Variants in HSD3B7 observed in about 807,000 individuals in gnomAD.
HSD3B7 encodes the protein hydroxy-delta-5-steroid dehydrogenase, 3 beta- and steroid delta-isomerase 7, also known as 3 beta-hydroxysteroid dehydrogenase type 7.
Under a neutral mutation model 34.3 loss-of-function variants are expected in HSD3B7, and 35 were observed. The ratio of observed to expected loss-of-function variants is 1.02; its 90% CI spans 0.78 to 1.35. The LOEUF (loss-of-function observed/expected upper bound fraction) is 1.35, where lower values mean the gene tolerates loss of function less well. Ranked by LOEUF, HSD3B7 falls within the 40% of genes most tolerant of loss-of-function variation. The pLI is 0.00. For synonymous variants in HSD3B7, 217 were observed against 220.1 expected (o/e 0.99, Z 0.13); for missense variants, 426 against 504.7 (o/e 0.84, Z 1.49).
rs1323129907 is a variant in HSD3B7, at chr16:30,986,159, T to A, written c.277T>A (p.Phe93Ile). Reference protein sequence around the residue: ...VIHTAGLVDVFGRASPKTIHE... With the variant: ...VIHTAGLVDVIGRASPKTIHE... ...CCACACGGCTGGGCTGGTAGACGTGTTTGGCAGGGCCAGTCCCAAGACCAT... is the reference window on the plus strand; with the variant it reads ...CCACACGGCTGGGCTGGTAGACGTGATTGGCAGGGCCAGTCCCAAGACCAT... Residue 93 changes from phenylalanine to isoleucine, a missense_variant, in exon 3 of 7, where the codon TTT (phenylalanine) becomes ATT (isoleucine). Coordinates refer to ENST00000297679, the MANE Select transcript of HSD3B7 (RefSeq NM_025193.4). 1.9e-6 allele frequency: 3 copies of A among 1,613,920 alleles called. No homozygotes were observed. Among genetic ancestry groups the A allele is most frequent in the Non-Finnish European group, 2.5e-6 (3 of 1,180,026 alleles).
chr16:30,985,767 G>T lies in HSD3B7; in HGVS notation c.109G>T (p.Gly37Trp), dbSNP rs753163611. 2 of 1,602,926 alleles carry T rather than the reference G, an allele frequency of 1.2e-6. No individual in the cohort carries two copies. The highest frequency in any genetic ancestry group is 8.5e-7 in the Non-Finnish European group (1 of 1,176,368). The change falls in exon 2 of 7, where the codon GGG becomes TGG. Residue 37 changes from glycine to tryptophan, a missense_variant. Transcript: ENST00000297679. ...GCTGCTGCAGCGGGAGCCCCGGCTC[G>T]GGGAGCTGCGGGTCTTTGACCAACA... ...RMLLQREPRL[G>W]ELRVFDQHLG... is the part of the protein sequence containing the mutation.
At chr16:30,986,321 C>A in intron 3 of HSD3B7, 102 bp from the exon 4 acceptor site, 1 of 1,547,456 alleles carries the variant, frequency 6.5e-7, no homozygotes, top group Non-Finnish European at 8.8e-7. Context: ...CCTGCCCCCG[C>A]CTCCCCTGAC....
At position 30,988,022 on chromosome 16, in the gene HSD3B7, C is replaced by T; in HGVS notation, c.949C>T (p.Pro317Ser). 2 of 1,608,254 alleles carry T rather than the reference C, an allele frequency of 1.2e-6. No individual in the cohort carries two copies. The highest frequency in any genetic ancestry group is 2.2e-5 in the South Asian group (2 of 91,088). Residue 317 changes from proline (P) to serine (S), a missense_variant, in exon 7 of 7, where the codon CCC (proline) becomes TCC (serine). By Grantham distance (74) the Pro-to-Ser change is moderately conservative. Coordinates refer to ENST00000297679, the MANE Select transcript of HSD3B7 (RefSeq NM_025193.4). ...WLLRPLVLYAPLLNPYTLAVA... is the reference protein window; with the variant it reads ...WLLRPLVLYASLLNPYTLAVA... ...GCTGCGGCCACTGGTGCTCTACGCA[C>T]CCCTGCTGAACCCCTACACGCTGGC...
rs745450054 is a variant in HSD3B7, at chr16:30,986,106, C to T, written c.224C>T (p.Ala75Val). 1.2e-5 allele frequency: 20 copies of T among 1,613,948 alleles called. No homozygotes were observed. Among genetic ancestry groups the T allele is most frequent in the Non-Finnish European group, 1.7e-5 (20 of 1,180,022 alleles). Residue 75 changes from alanine (A) to valine (V), a missense_variant, in exon 3 of 7, where the codon GCA becomes GTA. By Grantham distance (64) the Ala-to-Val change is moderately conservative (BLOSUM62 0). Coordinates refer to ENST00000297679, the MANE Select transcript of HSD3B7 (RefSeq NM_025193.4). ...GTGACCCAGGCCCATGAGGTGGCAG[C>T]AGCTGTGGCCGGAGCCCATGTGGTC... is the stretch of plus-strand genomic sequence containing the variant. ...GDVTQAHEVA[A>V]AVAGAHVVIH...
In HSD3B7 at chr16:30,985,808, G is replaced by T; in HGVS notation, c.150G>T (p.Leu50=). The stretch of plus-strand genomic sequence containing the variant: ...TTGACCAACACCTGGGTCCCTGGCT[G>T]GAGGAGCTGAAGACAGGTTCTTGTT... ...RVFDQHLGPW[L]EELKTGPVRV... Residue 50 remains leucine (L), a synonymous_variant, in exon 2 of 7, where the codon CTG becomes CTT. Transcript: ENST00000297679. The T allele has an allele frequency of 6.2e-7, 1 of 1,601,422 alleles. No homozygotes were observed.
At chr16:30,985,441 C>T in intron 1 of HSD3B7, 144 bp downstream of exon 1, 1 of 1,452,290 alleles carries the variant, frequency 6.9e-7, no homozygotes, top group African/African-American at 1.4e-5. Context: ...TAAACCCTGA[C>T]CCCTTCCTGC....
In HSD3B7 at chr16:30,986,679, T is replaced by G. The variant is rs2056484971; in HGVS notation, c.506T>G (p.Leu169Arg). The G allele has an allele frequency of 6.2e-7, 1 of 1,614,028 alleles. No individual in the cohort carries two copies. Among genetic ancestry groups the G allele is most frequent in the Non-Finnish European group, 8.5e-7 (1 of 1,180,028 alleles). Residue 169 changes from leucine to arginine, a missense_variant, in exon 5 of 7, where the codon CTG (leucine) becomes CGG (arginine). Physicochemically the swap from Leu to Arg is moderately radical, Grantham distance 102 (BLOSUM62 -2). Transcript: ENST00000297679. ...TGCAGCAAGGCCCTGGCCGAGTGGCTGGTCCTGGAGGCCAACGGGAGGAAG... is the reference window on the plus strand; with the variant it reads ...TGCAGCAAGGCCCTGGCCGAGTGGCGGGTCCTGGAGGCCAACGGGAGGAAG... ...YPCSKALAEW[L>R]VLEANGRKVR...
chr16:30,986,305 G>A (rs906102374), intron 3 of HSD3B7, 101 bp downstream of exon 3: 91 of 1,557,560 alleles, frequency 5.8e-5, no homozygotes, highest in Non-Finnish European at 7.7e-5. Context: ...TTGTCCTATT[G>A]ACAGCCCTGC....
In HSD3B7 at chr16:30,986,594, C is replaced by G; in HGVS notation, c.432-11C>G. 1 of 1,613,888 alleles carries G rather than the reference C, an allele frequency of 6.2e-7. No individual in the cohort carries two copies. On this transcript the variant is annotated splice_polypyrimidine_tract_variant and intron_variant, in intron 4 of 6. Transcript: ENST00000297679. ...TCCCTCAGCATTGAGTCTTCCTTCT[C>G]CTCCCACCAGGGGCAACGAAGACAC...
Position 30,986,135 on chromosome 16 carries a change from C to T in HSD3B7, c.253C>T (p.His85Tyr), listed in dbSNP as rs1309435165. 1 of 1,614,022 alleles carries T rather than the reference C, an allele frequency of 6.2e-7. No homozygotes were observed. The highest frequency in any genetic ancestry group is 8.5e-7 in the Non-Finnish European group (1 of 1,180,002). The stretch of plus-strand genomic sequence containing the variant: ...TGTGGCCGGAGCCCATGTGGTCATC[C>T]ACACGGCTGGGCTGGTAGACGTGTT... ...AAVAGAHVVI[H>Y]TAGLVDVFGR... The change falls in exon 3 of 7, where the codon CAC becomes TAC. Residue 85 changes from histidine (H) to tyrosine (Y), a missense_variant. Coordinates refer to ENST00000297679, the MANE Select transcript of HSD3B7 (RefSeq NM_025193.4).
intron 2 of HSD3B7, 35 bp from the exon 3 acceptor site, chr16:30,986,014 C>A (rs777575932): frequency 3.1e-6 from 5 of 1,608,984 alleles, no homozygotes; most frequent in Admixed American, 1.7e-5. Context: ...CTGGCCCCAG[C>A]TCTGACATGG....
chr16:30,987,397 T>A, intron 6 of HSD3B7: 2 of 417,980 alleles, frequency 4.8e-6, no homozygotes, highest in Non-Finnish European at 9.0e-6. Context: ...CAGTGAGCTA[T>A]GACCGCACCA....
At position 30,985,219 on chromosome 16, in the gene HSD3B7, G is replaced by A. The variant is rs2056448240; in HGVS notation, c.-85G>A. On this transcript the variant is annotated 5_prime_UTR_variant, in exon 1 of 7. The change creates a new upstream start codon in the 5' untranslated region. Transcript: ENST00000297679. ...AGAAGGAGGAGCCAGCGGAAGGACG[G>A]TGTGCGGGCCGGCCAGCCCTGGACG... 1.7e-5 allele frequency: 18 copies of A among 1,089,590 alleles called. No homozygotes were observed. Among genetic ancestry groups the A allele is most frequent in the East Asian group, 8.0e-5 (1 of 12,512 alleles). The allele number at this position is 1,089,590 out of a possible 1,614,324, so 67.5% of individuals were successfully genotyped here.
In HSD3B7 at chr16:30,988,566, A is replaced by G. The variant is rs2056521721; in HGVS notation, c.*383A>G. ...GGCTGGTCTTGAACTCCTGGGCTCA[A>G]GTGATCTTCCCACGTGGGCCTCCCA... On this transcript the variant is annotated 3_prime_UTR_variant, in exon 7 of 7. Coordinates refer to ENST00000297679, the MANE Select transcript of HSD3B7 (RefSeq NM_025193.4). 2.1e-5 allele frequency: 4 copies of G among 191,438 alleles called. No individual in the cohort carries two copies. The South Asian group carries it at 4.3e-4, about 21-fold the overall frequency. The allele number at this position is 191,438 out of a possible 1,614,324, so 11.9% of individuals were successfully genotyped here. A position where few individuals can be genotyped will look rare whatever the true frequency, so the allele number is the denominator to read the frequency against.
Position 30,987,811 on chromosome 16 carries a change from G to A in HSD3B7, c.738G>A (p.Glu246=). The A allele has an allele frequency of 1.2e-6, 2 of 1,613,124 alleles. No homozygotes were observed. The highest frequency in any genetic ancestry group is 1.3e-5 in the African/African-American group (1 of 75,052). ...WMHVLAAREL[E]QRATLMGGQV... is the part of the protein sequence containing the mutation. ...ACGTGCTGGCAGCCCGGGAGCTGGA[G>A]CAGCGGGCAACCCTGATGGGCGGCC... is the stretch of plus-strand genomic sequence containing the variant. Residue 246 remains glutamate (E), a synonymous_variant, in exon 7 of 7, where the codon GAG becomes GAA. Transcript: ENST00000297679.
chr16:30,987,452 C>CT (rs1395511836), intron 6 of HSD3B7: 7 of 462,586 alleles, frequency 1.5e-5, no homozygotes, highest in East Asian at 4.2e-5. Context: ...GTCTCTAAAA[C>CT]TTTTTTTAAA....
Position 30,986,549 on chromosome 16 carries a change from T to C in HSD3B7, c.431+18T>C, listed in dbSNP as rs1208580110. ...TTCTACAGGTGAGTGGCAGGCCCTCTTGTCCTCTAAGAGCCCATTTCCCTC... is the reference window on the plus strand; with the variant it reads ...TTCTACAGGTGAGTGGCAGGCCCTCCTGTCCTCTAAGAGCCCATTTCCCTC... On this transcript the variant is annotated intron_variant, in intron 4 of 6. Coordinates refer to ENST00000297679, the MANE Select transcript of HSD3B7 (RefSeq NM_025193.4). The C allele has an allele frequency of 6.2e-7, 1 of 1,613,056 alleles. No homozygotes were observed. Among genetic ancestry groups the C allele is most frequent in the East Asian group, 2.2e-5 (1 of 44,880 alleles).
intron 2 of HSD3B7, 77 bp downstream of exon 2, chr16:30,985,901 T>C: frequency 6.3e-7 from 1 of 1,585,136 alleles, no homozygotes. Flanking sequence ...TCCCCACCCC[T>C]GCAGTGGAAC....
Position 30,986,396 on chromosome 16 carries a change from G to C in HSD3B7, c.323-27G>C, listed in dbSNP as rs750117957. On this transcript the variant is annotated intron_variant, in intron 3 of 6. Transcript: ENST00000297679. ...AGATGCAGAGAGGGAAGAAGCTGCA[G>C]CTTGGATACGCCTCCTCCTCTGCCA... The C allele has an allele frequency of 2.5e-6, 4 of 1,601,416 alleles. No homozygotes were observed. In the Admixed American group the frequency reaches 5.0e-5, roughly 20 times the overall value.
Sources: allele counts gnomAD v4.1 joint callset, GRCh38; gene constraint gnomAD v4.1.1; transcripts MANE v1.5; gene names NCBI Gene and HGNC (gene_info 2026-07-23, HGNC 2026-07-21).